STX18: variants seen among roughly 807,000 people sequenced by gnomAD.
The protein encoded by STX18 is syntaxin-18.
A neutral mutation model predicts 50.1 loss-of-function variants in STX18; 40 were observed. The ratio of observed to expected loss-of-function variants is 0.80; its 90% CI spans 0.62 to 1.04. The LOEUF (loss-of-function observed/expected upper bound fraction) is 1.04. Ranked by LOEUF, STX18 falls within the 50% of genes least tolerant of loss-of-function variation. The probability of loss-of-function intolerance (pLI) is 0.00; values close to 1 mark genes in which losing one functional copy is unlikely to be tolerated. For missense variants in STX18, 410 were observed against 415.8 expected (o/e 0.99, Z 0.12); for synonymous variants, 158 against 151.8 (o/e 1.04, Z -0.30).
chr4:4,485,363 A>G (rs974255237), intron 1 of STX18, among the ~76,000 whole-genome samples: 2 of 152,232 alleles, frequency 1.3e-5, no homozygotes, highest in African/African-American at 4.8e-5. Context: ...ACTTTAGTGC[A>G]TAAGGTGAAA....
At chr4:4,502,641 T>C (rs1729508907) in intron 1 of STX18, among the ~76,000 whole-genome samples, 1 of 152,030 alleles carries the variant, frequency 6.6e-6, no homozygotes, top group Non-Finnish European at 1.5e-5. Context: ...GAAAAAAAAA[T>C]ACACAGCTCT....
chr4:4,484,285 C>T (rs980570246), intron 1 of STX18, among the ~76,000 whole-genome samples: 2 of 152,246 alleles, frequency 1.3e-5, no homozygotes, highest in African/African-American at 4.8e-5. Context: ...TCAATACTCT[C>T]TGTGTCAGCA....
At chr4:4,480,745 C>T (rs148101458) in intron 1 of STX18, among the ~76,000 whole-genome samples, 123 of 152,294 alleles carry the variant, frequency 8.1e-4, no homozygotes, top group African/African-American at 2.9e-3. Flanking sequence ...ACATACTTCC[C>T]ATTATCCACT....
At chr4:4,431,237 C>T (rs1463773653) in intron 7 of STX18, among the ~76,000 whole-genome samples, 2 of 152,032 alleles carry the variant, frequency 1.3e-5, no homozygotes, top group East Asian at 1.9e-4. Flanking sequence ...TAAATACAAA[C>T]GTATTCTTTC....
At chr4:4,423,890 C>T (rs1022478821) in intron 8 of STX18, 16 of 408,446 alleles carry the variant, frequency 3.9e-5, no homozygotes, top group East Asian at 1.5e-4. Flanking sequence ...TGTCACTGCT[C>T]GGGGAATGGG....
At chr4:4,421,308 A>C (rs1724947013) in intron 9 of STX18, among the ~76,000 whole-genome samples, 1 of 151,128 alleles carries the variant, frequency 6.6e-6, no homozygotes, top group Non-Finnish European at 1.5e-5. Context: ...ACAGCAACCA[A>C]GTGGCAGGAC....
intron 1 of STX18, among the ~76,000 whole-genome samples, chr4:4,533,630 T>C (rs1731202116): frequency 1.3e-5 from 2 of 152,360 alleles, no homozygotes; most frequent in South Asian, 2.1e-4. Flanking sequence ...GCTTGGCTGA[T>C]ATCTGCCCTA....
intron 7 of STX18, among the ~76,000 whole-genome samples, chr4:4,432,882 A>G (rs372521816): frequency 6.6e-6 from 1 of 152,268 alleles, no homozygotes; most frequent in Admixed American, 6.5e-5. Context: ...GAGAGCAGAC[A>G]TGTGGACCTG....
intron 1 of STX18, among the ~76,000 whole-genome samples, chr4:4,487,416 A>C (rs1728747999): frequency 6.6e-6 from 1 of 152,234 alleles, no homozygotes. Flanking sequence ...CACCATGTTA[A>C]ACCCATTGTA....
chr4:4,511,713 AGTGTGTGTGTGT>A lies in STX18; in HGVS notation c.168+30072_168+30083del, dbSNP rs3038434. 6.9e-3 allele frequency among the ~76,000 whole-genome samples: 955 copies of A among 137,448 alleles called. 4 individuals carry two copies. The highest frequency in any genetic ancestry group is 0.026 in the Middle Eastern group (7 of 270). 90.2% of individuals were successfully genotyped at this position (137,448 alleles called of 152,430 possible). A position where few individuals can be genotyped will look rare whatever the true frequency, so the allele number is the denominator to read the frequency against. On this transcript the variant is annotated intron_variant, in intron 1 of 10. Coordinates refer to ENST00000306200, the MANE Select transcript of STX18 (RefSeq NM_016930.4). ...CAATCACCAAACAACACTCATGATT[AGTGTGTGTGTGT>A]GTGTGTGTGTGTGTGTGTGTGTGTG... is the stretch of plus-strand genomic sequence containing the variant.
At position 4,520,358 on chromosome 4, in the gene STX18, C is replaced by T. The variant is rs369137728; in HGVS notation, c.168+21439G>A. On this transcript the variant is annotated intron_variant, in intron 1 of 10. Coordinates refer to ENST00000306200, the MANE Select transcript of STX18 (RefSeq NM_016930.4). Reference sequence around the variant, plus strand: ...TGTACACAGAAATTTGGTCTCCTTCCTTCCACACACACAAAATATAATAAG... The same window carrying T: ...TGTACACAGAAATTTGGTCTCCTTCTTTCCACACACACAAAATATAATAAG... Among the ~76,000 whole-genome samples the T allele has an allele frequency of 4.6e-5, 7 of 152,278 alleles. 1 individual carries two copies. The highest frequency in any genetic ancestry group is 1.3e-4 in the Admixed American group (2 of 15,290).
intron 2 of STX18, among the ~76,000 whole-genome samples, chr4:4,462,360 A>G (rs1462527437): frequency 6.6e-6 from 1 of 152,234 alleles, no homozygotes; most frequent in Non-Finnish European, 1.5e-5. Context: ...AACATCATCC[A>G]CATTTTATAA....
At chr4:4,462,182 G>A (rs1040253704) in intron 2 of STX18, among the ~76,000 whole-genome samples, 2 of 152,042 alleles carry the variant, frequency 1.3e-5, no homozygotes, top group African/African-American at 2.4e-5. Flanking sequence ...CCTCCTCCCA[G>A]CTCTCTGGCA....
intron 1 of STX18, among the ~76,000 whole-genome samples, chr4:4,535,925 T>C (rs184801701): frequency 2.0e-5 from 3 of 152,294 alleles, no homozygotes; most frequent in African/African-American, 7.2e-5. Flanking sequence ...AGCTCAACCT[T>C]TGGGTCCCAA....
chr4:4,519,581 T>C (rs939519395), intron 1 of STX18, among the ~76,000 whole-genome samples: 2 of 152,128 alleles, frequency 1.3e-5, no homozygotes, highest in Admixed American at 6.5e-5. Context: ...TTCTCCCTAA[T>C]AGAACCAAAT....
intron 5 of STX18, among the ~76,000 whole-genome samples, chr4:4,446,204 G>T (rs1726399096): frequency 6.6e-6 from 1 of 151,696 alleles, no homozygotes; most frequent in South Asian, 2.1e-4. Flanking sequence ...TCAAAAAGTT[G>T]GTCTGAGACA....
intron 1 of STX18, among the ~76,000 whole-genome samples, chr4:4,513,634 A>C (rs1187580910): frequency 6.6e-6 from 1 of 152,196 alleles, no homozygotes; most frequent in South Asian, 2.1e-4. Context: ...TGACACACTG[A>C]AAATCTCTAA....
chr4:4,517,931 C>T (rs1017075227), intron 1 of STX18, among the ~76,000 whole-genome samples: 6 of 151,978 alleles, frequency 3.9e-5, no homozygotes, highest in Non-Finnish European at 8.8e-5. Context: ...CCTGCCACCA[C>T]GCCTGGCTAA....
At chr4:4,532,056 T>C (rs1345887404) in intron 1 of STX18, among the ~76,000 whole-genome samples, 2 of 152,216 alleles carry the variant, frequency 1.3e-5, no homozygotes, top group African/African-American at 2.4e-5. Flanking sequence ...GTAAGAGCAA[T>C]ACATACTGAT....
Sources: gnomAD v4.1 joint callset for allele counts (sites outside exome capture counted in the v4.1 genomes callset) on GRCh38, gnomAD v4.1.1 for gene constraint, MANE v1.5 for transcripts, NCBI Gene and HGNC (gene_info 2026-07-23, HGNC 2026-07-21) for gene names.